UST: variants seen among roughly 807,000 people sequenced by gnomAD.
UST encodes the protein uronyl 2-sulfotransferase, also known as chondroitin sulfate 2-O-sulfotransferase.
A neutral mutation model predicts 45.6 loss-of-function variants in UST; 21 were observed. That is an observed-to-expected ratio of 0.46 (90% CI 0.33 to 0.66). UST has a LOEUF of 0.66. Among genes scored for constraint, UST ranks in the 30% least tolerant of loss-of-function variants. The pLI, the probability that UST is intolerant of heterozygous loss-of-function variation, is 0.02. For synonymous variants in UST, 215 were observed against 200.6 expected, an observed-to-expected ratio of 1.07 and a Z score of -0.61; for missense variants, 463 against 512.4, an observed-to-expected ratio of 0.90 and a Z score of 0.93.
intron 5 of UST, among the ~76,000 whole-genome samples, chr6:148,985,198 T>C (rs2114985487): frequency 6.6e-6 from 1 of 152,294 alleles, no homozygotes; most frequent in South Asian, 2.1e-4. Flanking sequence ...AAGTTATCAG[T>C]ATCCAAAGAG....
chr6:148,891,633 T>C (rs887216847), intron 2 of UST, among the ~76,000 whole-genome samples: 5 of 152,212 alleles, frequency 3.3e-5, no homozygotes, highest in African/African-American at 1.2e-4. Context: ...GCTCCAGTGC[T>C]CATGTTTTTA....
At chr6:148,859,049 T>C (rs1778257755) in intron 1 of UST, among the ~76,000 whole-genome samples, 2 of 152,240 alleles carry the variant, frequency 1.3e-5, no homozygotes, top group Admixed American at 1.3e-4. Context: ...GTATTTCTAG[T>C]TCTAGATCCT....
intron 4 of UST, among the ~76,000 whole-genome samples, chr6:148,958,165 C>T (rs1780562958): frequency 6.6e-6 from 1 of 152,018 alleles, no homozygotes; most frequent in Non-Finnish European, 1.5e-5. Context: ...CTTGGTGTTT[C>T]TCTAGCTGAC....
At chr6:149,051,588 GTT>G (rs1186003936) in intron 7 of UST, among the ~76,000 whole-genome samples, 1 of 152,178 alleles carries the variant, frequency 6.6e-6, no homozygotes, top group Admixed American at 6.5e-5. Context: ...ACCTGAATTG[GTT>G]TTGCCTAAAC....
intron 2 of UST, among the ~76,000 whole-genome samples, chr6:148,919,188 G>A (rs543003765): frequency 6.6e-6 from 1 of 152,202 alleles, no homozygotes; most frequent in South Asian, 2.1e-4. Context: ...CCTCTACCAT[G>A]GGGTGCACCT....
At chr6:149,058,984 A>AC (rs776920160) in intron 7 of UST, among the ~76,000 whole-genome samples, 17 of 152,250 alleles carry the variant, frequency 1.1e-4, no homozygotes, top group Admixed American at 3.3e-4. Context: ...ATACTTTCAA[A>AC]CAAATATGTC....
At chr6:149,002,484 T>C (rs1305247812) in intron 5 of UST, among the ~76,000 whole-genome samples, 1 of 152,070 alleles carries the variant, frequency 6.6e-6, no homozygotes, top group Non-Finnish European at 1.5e-5. Context: ...ACATGATACA[T>C]TTTTATTTTT....
At chr6:149,034,837 TCTCTCTCTC>T (rs1776207132) in intron 7 of UST, among the ~76,000 whole-genome samples, 9 of 3,620 alleles carry the variant, frequency 2.5e-3, no homozygotes, top group Admixed American at 2.4e-3. Context: ...ATGCTCATTC[TCTCTCTCTC>T]TCTCTCTCTC....
chr6:148,915,731 A>T (rs1018589317), intron 2 of UST, among the ~76,000 whole-genome samples: 11 of 151,626 alleles, frequency 7.3e-5, no homozygotes, highest in Non-Finnish European at 1.2e-4. Context: ...TCAAATATGA[A>T]AAATAGGGGA....
intron 1 of UST, among the ~76,000 whole-genome samples, chr6:148,800,224 G>T (rs1302263870): frequency 6.6e-6 from 1 of 152,186 alleles, no homozygotes; most frequent in Non-Finnish European, 1.5e-5. Flanking sequence ...TTTTAAATCT[G>T]TAAGTCTGGT....
intron 2 of UST, among the ~76,000 whole-genome samples, chr6:148,907,030 G>T (rs1779376775): frequency 6.6e-6 from 1 of 152,152 alleles, no homozygotes; most frequent in African/African-American, 2.4e-5. Flanking sequence ...GTTAACCACA[G>T]ATGGGATTAA....
At chr6:148,800,555 T>C (rs1442549254) in intron 1 of UST, among the ~76,000 whole-genome samples, 2 of 143,162 alleles carry the variant, frequency 1.4e-5, no homozygotes, top group African/African-American at 5.0e-5. Context: ...CCTGCGTTAC[T>C]GGTTACCAGG....
intron 1 of UST, among the ~76,000 whole-genome samples, chr6:148,762,533 A>ACC (rs1406385569): frequency 7.6e-5 from 11 of 144,186 alleles, no homozygotes; most frequent in Non-Finnish European, 7.6e-5. Context: ...GCAGGCTTCT[A>ACC]TCTTTTTTTT....
chr6:148,967,682 G>T (rs2449391), intron 5 of UST, among the ~76,000 whole-genome samples: 1 of 152,016 alleles, frequency 6.6e-6, no homozygotes, highest in African/African-American at 2.4e-5. Context: ...CCCTCCCCTC[G>T]GAGGCCCTTC....
Position 149,042,695 on chromosome 6 carries a change from G to A in UST, c.937+21214G>A, listed in dbSNP as rs192205469. On this transcript the variant is annotated intron_variant, in intron 7 of 7. Transcript: ENST00000367463. ...TTTCCTCCTCCCCACAAACTATGCC[G>A]TTCCTACAACACTAAGTGTGGCCCA... Among the ~76,000 whole-genome samples, 31 of 152,328 alleles carry A rather than the reference G, an allele frequency of 2.0e-4. 2 individuals carry two copies. The East Asian group carries it at 2.7e-3, about 13-fold the overall frequency.
At chr6:149,010,764 G>A (rs749555440) in intron 5 of UST, among the ~76,000 whole-genome samples, 2 of 151,736 alleles carry the variant, frequency 1.3e-5, no homozygotes, top group African/African-American at 2.4e-5. Flanking sequence ...GTGGTGACAC[G>A]TGCCTGTAAT....
intron 7 of UST, among the ~76,000 whole-genome samples, chr6:149,042,032 G>A (rs746740366): frequency 1.3e-5 from 2 of 152,250 alleles, no homozygotes; most frequent in Non-Finnish European, 2.9e-5. Flanking sequence ...TGGGTGTACA[G>A]TAAAAATGTA....
At chr6:149,043,016 TTTC>T (rs1239834484) in intron 7 of UST, among the ~76,000 whole-genome samples, 1 of 63,726 alleles carries the variant, frequency 1.6e-5, no homozygotes, top group South Asian at 4.4e-4. Flanking sequence ...TCTTTCTTTC[TTTC>T]TTTTTCTTTC....
At chr6:149,050,727 G>T (rs886110927) in intron 7 of UST, among the ~76,000 whole-genome samples, 5 of 152,170 alleles carry the variant, frequency 3.3e-5, no homozygotes, top group Non-Finnish European at 7.4e-5. Flanking sequence ...AAACCATCAT[G>T]CCCCTGGTAA....
Sources: allele counts gnomAD v4.1 joint callset (sites outside exome capture counted in the v4.1 genomes callset), GRCh38; gene constraint gnomAD v4.1.1; transcripts MANE v1.5; gene names NCBI Gene and HGNC (gene_info 2026-07-23, HGNC 2026-07-21).